Variants in CUX1 observed in about 807,000 individuals in gnomAD.
CUX1 encodes protein CASP.
In CUX1, 31 loss-of-function variants were observed where a neutral mutation model predicts 158.8. The observed-to-expected ratio is 0.20, with a 90% CI of 0.15 to 0.26. The LOEUF is 0.26. Ranked by LOEUF, CUX1 falls within the 10% of genes least tolerant of loss-of-function variation. CUX1 has a pLI of 1.00. For synonymous variants in CUX1, 879 were observed against 862.1 expected (o/e 1.02, Z -0.34); for missense variants, 1,589 against 2,014.6 (o/e 0.79, Z 4.04).
intron 1 of CUX1, among the ~76,000 whole-genome samples, chr7:101,888,140 C>T (rs1469088938): frequency 1.3e-5 from 2 of 152,044 alleles, no homozygotes; most frequent in African/African-American, 4.8e-5. Context: ...TCCAGACCAG[C>T]CCTGCCAACA....
intron 2 of CUX1, among the ~76,000 whole-genome samples, chr7:101,985,538 C>T (rs1814185818): frequency 6.6e-6 from 1 of 152,214 alleles, no homozygotes; most frequent in Non-Finnish European, 1.5e-5. Context: ...CAGGAGAATG[C>T]CGTGGAGACT....
At chr7:102,274,063 C>T in intron 15 of CUX1, 1 of 606,610 alleles carries the variant, frequency 1.6e-6, no homozygotes, top group Non-Finnish European at 3.0e-6. Flanking sequence ...CCAGCCATCT[C>T]TTCTTTGGTA....
At chr7:102,246,741 TGTATTTTTA>T (rs1800854549) in intron 23 of CUX1, among the ~76,000 whole-genome samples, 1 of 152,126 alleles carries the variant, frequency 6.6e-6, no homozygotes, top group South Asian at 2.1e-4. Flanking sequence ...GGCTAATTTT[TGTATTTTTA>T]GTAGAGACAA....
intron 2 of CUX1, among the ~76,000 whole-genome samples, chr7:102,023,483 T>G (rs1819622722): frequency 6.6e-6 from 1 of 152,164 alleles, no homozygotes; most frequent in Non-Finnish European, 1.5e-5. Context: ...TTGAGCATCT[T>G]TTTTGAGACA....
At chr7:102,071,026 G>C (rs571976983) in intron 4 of CUX1, among the ~76,000 whole-genome samples, 22 of 151,994 alleles carry the variant, frequency 1.4e-4, no homozygotes, top group African/African-American at 5.1e-4. Context: ...CACAATCTCC[G>C]CTCACTGCAA....
rs116592989 is a variant in CUX1, at chr7:102,273,966, C to T, written c.1384-278C>T. Among the ~76,000 whole-genome samples the T allele has an allele frequency of 5.1e-3, 783 of 152,344 alleles. 10 individuals carry two copies. Among genetic ancestry groups the T allele is most frequent in the African/African-American group, 0.018 (745 of 41,584 alleles). On this transcript the variant is annotated intron_variant, in intron 15 of 22. Transcript: ENST00000292538. Reference sequence around the variant, plus strand: ...CAGGCTGGTTGCAGGGCCAGGGAGGCCCAGGTGTCTGATGCATGTCAAAGC... The same window carrying T: ...CAGGCTGGTTGCAGGGCCAGGGAGGTCCAGGTGTCTGATGCATGTCAAAGC...
chr7:101,905,599 T>C (rs953482223), intron 1 of CUX1, among the ~76,000 whole-genome samples: 2 of 152,188 alleles, frequency 1.3e-5, no homozygotes, highest in Admixed American at 6.5e-5. Flanking sequence ...TTCTTCAGGG[T>C]ACTGGGGACC....
intron 8 of CUX1, among the ~76,000 whole-genome samples, chr7:102,126,139 G>T (rs543966626): frequency 6.6e-6 from 1 of 151,574 alleles, no homozygotes; most frequent in Admixed American, 6.6e-5. Context: ...TCAGCCTCCC[G>T]AGTACCTGGG....
intron 2 of CUX1, among the ~76,000 whole-genome samples, chr7:101,993,246 C>T (rs942282424): frequency 6.6e-5 from 10 of 152,314 alleles, no homozygotes; most frequent in African/African-American, 2.4e-4. Flanking sequence ...AGGAGAATCG[C>T]TTGAACCCGG....
intron 2 of CUX1, among the ~76,000 whole-genome samples, chr7:102,014,875 GAAAA>G (rs1213773907): frequency 1.4e-5 from 2 of 140,382 alleles, no homozygotes; most frequent in African/African-American, 5.3e-5. Flanking sequence ...AAAAAAAAAA[GAAAA>G]AAAGCATCTA....
chr7:101,865,328 T>A (rs972063733), intron 1 of CUX1, among the ~76,000 whole-genome samples: 2 of 152,258 alleles, frequency 1.3e-5, no homozygotes, highest in African/African-American at 4.8e-5. Context: ...ACTGTTTTTC[T>A]TCTTTGCAGT....
At chr7:101,920,449 G>A (rs1804781399) in intron 2 of CUX1, among the ~76,000 whole-genome samples, 1 of 152,128 alleles carries the variant, frequency 6.6e-6, no homozygotes, top group Non-Finnish European at 1.5e-5. Flanking sequence ...TGTAGAAACA[G>A]AGCCTTTTGC....
intron 21 of CUX1, among the ~76,000 whole-genome samples, chr7:102,233,183 CTTTTT>C (rs781940562): frequency 8.5e-6 from 1 of 117,260 alleles, no homozygotes; most frequent in Non-Finnish European, 1.7e-5. Context: ...TTTTTTTTTC[CTTTTT>C]TTTTTTTTTT....
intron 2 of CUX1, among the ~76,000 whole-genome samples, chr7:101,944,489 T>C (rs1327026678): frequency 1.3e-5 from 2 of 152,226 alleles, no homozygotes; most frequent in East Asian, 1.9e-4. Context: ...CCGTGACTGT[T>C]TGTGGCCAGT....
chr7:102,021,230 A>C (rs1166251007), intron 2 of CUX1, among the ~76,000 whole-genome samples: 2 of 152,192 alleles, frequency 1.3e-5, no homozygotes, highest in Non-Finnish European at 2.9e-5. Context: ...TCTTAAATGC[A>C]GTCAGGGTTA....
chr7:102,065,399 G>T (rs930337027), intron 3 of CUX1, among the ~76,000 whole-genome samples: 1 of 152,116 alleles, frequency 6.6e-6, no homozygotes, highest in Non-Finnish European at 1.5e-5. Flanking sequence ...TTTTGGTAGA[G>T]ATAGGGTCTC....
intron 14 of CUX1, among the ~76,000 whole-genome samples, chr7:102,268,360 C>T (rs1388132187): frequency 1.3e-5 from 2 of 152,182 alleles, no homozygotes; most frequent in Non-Finnish European, 2.9e-5. Flanking sequence ...ACGACAACAC[C>T]TTCGCCTCGC....
In CUX1 at chr7:101,974,266, A is replaced by G. The variant is rs953186351; in HGVS notation, c.142-53832A>G. Among the ~76,000 whole-genome samples the G allele has an allele frequency of 1.3e-5, 2 of 152,242 alleles. 1 individual carries two copies. Among genetic ancestry groups the G allele is most frequent in the African/African-American group, 4.8e-5 (2 of 41,556 alleles). Reference sequence around the variant, plus strand: ...AAATGACTTGACCATGACTGAGGCCACAGAGCCGAAAATGTCCCCATCCTG... The same window carrying G: ...AAATGACTTGACCATGACTGAGGCCGCAGAGCCGAAAATGTCCCCATCCTG... On this transcript the variant is annotated intron_variant, in intron 2 of 23. Transcript: ENST00000292535.
At chr7:101,919,219 G>A (rs957723074) in intron 2 of CUX1, among the ~76,000 whole-genome samples, 1 of 152,014 alleles carries the variant, frequency 6.6e-6, no homozygotes, top group African/African-American at 2.4e-5. Flanking sequence ...TGGGGGGGGA[G>A]CTGTGACAGT....
Sources: allele counts gnomAD v4.1 joint callset (sites outside exome capture counted in the v4.1 genomes callset), GRCh38; gene constraint gnomAD v4.1.1; transcripts MANE v1.5; gene names NCBI Gene and HGNC (gene_info 2026-07-23, HGNC 2026-07-21).